Variants in MOB3B observed in about 807,000 individuals in gnomAD.
MOB3B encodes MOB kinase activator 3B.
A neutral mutation model predicts 18.7 loss-of-function variants in MOB3B; 7 were observed. The observed-to-expected ratio is 0.37, with a 90% CI of 0.21 to 0.70. The LOEUF is 0.70. MOB3B is among the 30% of genes least tolerant of loss of function. The pLI, the probability that MOB3B is intolerant of heterozygous loss-of-function variation, is 0.52. For missense variants in MOB3B, 253 were observed against 281.3 expected, an observed-to-expected ratio of 0.90 and a Z score of 0.72; for synonymous variants, 111 against 99.9, an observed-to-expected ratio of 1.11 and a Z score of -0.66.
rs867239897 is a variant in MOB3B at position 27,325,968 on chromosome 9, G to T, written c.*4619C>A. 108 of 121,278 alleles carry T rather than the reference G, an allele frequency of 8.9e-4. No individual in the cohort carries two copies. Among genetic ancestry groups the T allele is most frequent in the African/African-American group, 3.1e-3 (104 of 33,098 alleles). 7.5% of individuals were successfully genotyped at this position (121,278 alleles called of 1,614,324 possible). On this transcript the variant is annotated 3_prime_UTR_variant, in exon 4 of 4. Coordinates refer to ENST00000262244, the MANE Select transcript of MOB3B (RefSeq NM_024761.5). Reference sequence around the variant, plus strand: ...AGTCCCTTAATGTTTTGCCAATTAAGGTTTTTTTTTTTTTTTTTTTGAAAC... The same window carrying T: ...AGTCCCTTAATGTTTTGCCAATTAATGTTTTTTTTTTTTTTTTTTTGAAAC...
chr9:27,390,641 A>G (rs1821714778), intron 2 of MOB3B, among the ~76,000 whole-genome samples: 1 of 152,348 alleles, frequency 6.6e-6, no homozygotes, highest in Middle Eastern at 3.4e-3. Flanking sequence ...TCCTTTCACC[A>G]TAGTGAGAAT....
intron 2 of MOB3B, among the ~76,000 whole-genome samples, chr9:27,376,018 C>T (rs1821485714): frequency 6.6e-6 from 1 of 152,100 alleles, no homozygotes; most frequent in Non-Finnish European, 1.5e-5. Flanking sequence ...AAGAAATAAT[C>T]ACTGGTAATA....
rs1474103188 is a variant in MOB3B, at chr9:27,384,976, C to T, written c.419-25740G>A. 2.6e-5 allele frequency among the ~76,000 whole-genome samples: 4 copies of T among 152,170 alleles called. No individual in the cohort carries two copies. The East Asian group carries it at 7.7e-4, about 29-fold the overall frequency. On this transcript the variant is annotated intron_variant, in intron 2 of 3. Coordinates refer to ENST00000262244, the MANE Select transcript of MOB3B (RefSeq NM_024761.5). ...AATACGTAGGTTGGCCAGGCAGTCC[C>T]TGTCAAGAGGAAGCAGGATGAACAT...
intron 3 of MOB3B, among the ~76,000 whole-genome samples, chr9:27,356,457 G>T (rs1821191583): frequency 6.6e-6 from 1 of 152,208 alleles, no homozygotes; most frequent in African/African-American, 2.4e-5. Context: ...CTGCCTTGGA[G>T]CCCTTTCTTC....
intron 1 of MOB3B, among the ~76,000 whole-genome samples, chr9:27,528,045 C>T (rs1302792750): frequency 2.0e-5 from 3 of 152,212 alleles, no homozygotes; most frequent in Non-Finnish European, 4.4e-5. Context: ...CGTCTGAGTC[C>T]TCTTTTTCTA....
At chr9:27,369,049 C>G (rs552239263) in intron 2 of MOB3B, among the ~76,000 whole-genome samples, 3 of 152,158 alleles carry the variant, frequency 2.0e-5, no homozygotes, top group Non-Finnish European at 4.4e-5. Context: ...AACCCTAGAC[C>G]GTGTAAACCT....
At chr9:27,359,383 G>C (rs574312652) in intron 2 of MOB3B, 147 bp from the exon 3 acceptor site, 5 of 623,040 alleles carry the variant, frequency 8.0e-6, no homozygotes, top group African/African-American at 4.4e-5. Context: ...GTGTGTGGGG[G>C]GGGGGGGTTG....
At chr9:27,503,668 G>A (rs975585594) in intron 1 of MOB3B, among the ~76,000 whole-genome samples, 1 of 152,236 alleles carries the variant, frequency 6.6e-6, no homozygotes, top group Non-Finnish European at 1.5e-5. Context: ...GAATAATCAG[G>A]GTAGTGGACC....
intron 2 of MOB3B, among the ~76,000 whole-genome samples, chr9:27,395,305 T>A (rs151055144): frequency 0.012 from 1,832 of 152,328 alleles, 41 homozygotes; most frequent in African/African-American, 0.041. Flanking sequence ...AGATTGTAAA[T>A]GTTCTCACCA....
At chr9:27,526,060 C>CA (rs1432751327) in intron 1 of MOB3B, 3 of 152,030 alleles carry the variant, frequency 2.0e-5, no homozygotes, top group Non-Finnish European at 4.4e-5. Context: ...GCAAATGCAC[C>CA]AAAAAAGGGT....
At chr9:27,369,111 G>A (rs1397136946) in intron 2 of MOB3B, among the ~76,000 whole-genome samples, 1 of 152,196 alleles carries the variant, frequency 6.6e-6, no homozygotes, top group Admixed American at 6.5e-5. Context: ...CTGAGAACAG[G>A]ATGTTAATGA....
In MOB3B at chr9:27,359,090, A is replaced by C. The variant is rs763546392; in HGVS notation, c.565T>G (p.Phe189Val). Residue 189 changes from phenylalanine to valine, a missense_variant, in exon 3 of 4, where the codon TTC becomes GTC. Transcript: ENST00000262244. ...EAHVNTCYKH[F>V]YYFVTEMNLI... ...TTCATCTCTGTGACAAAGTAATAGA[A>C]GTGTTTGTAGCAGGTGTTGACATGG... 1 of 1,614,132 alleles carries C rather than the reference A, an allele frequency of 6.2e-7. No individual in the cohort carries two copies. The highest frequency in any genetic ancestry group is 2.2e-5 in the East Asian group (1 of 44,878).
At chr9:27,366,800 C>G (rs1396901332) in intron 2 of MOB3B, among the ~76,000 whole-genome samples, 1 of 152,208 alleles carries the variant, frequency 6.6e-6, no homozygotes, top group African/African-American at 2.4e-5. Context: ...TGCCCCCAAA[C>G]ACCTCAAGTT....
rs148290124 is a variant in MOB3B at position 27,516,702 on chromosome 9, T to C, written c.-199+12853A>G. On this transcript the variant is annotated intron_variant, in intron 1 of 3. Transcript: ENST00000262244. Reference sequence around the variant, plus strand: ...TCCTCTTCTGCTGCCCACTGTAACATAGCATATTCTTAGGGTTCTGACACA... The same window carrying C: ...TCCTCTTCTGCTGCCCACTGTAACACAGCATATTCTTAGGGTTCTGACACA... Among the ~76,000 whole-genome samples the C allele has an allele frequency of 2.0e-3, 306 of 152,300 alleles. 1 individual carries two copies. The highest frequency in any genetic ancestry group is 0.014 in the Middle Eastern group (4 of 294).
At chr9:27,521,629 G>A (rs1820332978) in intron 1 of MOB3B, among the ~76,000 whole-genome samples, 1 of 152,152 alleles carries the variant, frequency 6.6e-6, no homozygotes, top group Non-Finnish European at 1.5e-5. Flanking sequence ...TTTAGGTAGA[G>A]AAGTTATATG....
intron 2 of MOB3B, among the ~76,000 whole-genome samples, chr9:27,415,502 G>C (rs182312868): frequency 1.3e-5 from 2 of 151,976 alleles, no homozygotes; most frequent in Admixed American, 1.3e-4. Context: ...GAGTCTCTGA[G>C]TCTTCCCATT....
intron 1 of MOB3B, among the ~76,000 whole-genome samples, chr9:27,527,290 A>T (rs913442879): frequency 2.0e-5 from 3 of 152,178 alleles, no homozygotes; most frequent in African/African-American, 7.2e-5. Flanking sequence ...GCTAAATTTC[A>T]AAGGAATCCT....
intron 2 of MOB3B, among the ~76,000 whole-genome samples, chr9:27,409,216 T>C (rs973856344): frequency 2.6e-5 from 4 of 152,230 alleles, no homozygotes; most frequent in African/African-American, 9.6e-5. Context: ...CAGGGATATG[T>C]TGGTGCACAA....
intron 1 of MOB3B, among the ~76,000 whole-genome samples, chr9:27,503,802 C>T (rs1443449340): frequency 2.0e-5 from 3 of 152,220 alleles, no homozygotes; most frequent in African/African-American, 2.4e-5. Context: ...AGAGAGCCAC[C>T]GCCCTGGAGG....
Sources: allele counts gnomAD v4.1 joint callset (sites outside exome capture counted in the v4.1 genomes callset), GRCh38; gene constraint gnomAD v4.1.1; transcripts MANE v1.5; gene names NCBI Gene and HGNC (gene_info 2026-07-23, HGNC 2026-07-21).